STARD13: variants seen among roughly 807,000 people sequenced by gnomAD.
STARD13 encodes the protein StAR related lipid transfer domain containing 13.
STARD13 carries 62 observed loss-of-function variants against 106.4 expected under a neutral mutation model. The ratio of observed to expected loss-of-function variants is 0.58; its 90% CI spans 0.48 to 0.72. The LOEUF is 0.72. Ranked by LOEUF, STARD13 falls within the 30% of genes least tolerant of loss-of-function variation. STARD13 has a pLI of 0.00. For synonymous variants in STARD13, 565 were observed against 553.0 expected, an observed-to-expected ratio of 1.02 and a Z score of -0.31; for missense variants, 1,387 against 1,424.0, an observed-to-expected ratio of 0.97 and a Z score of 0.42.
At chr13:33,393,697 A>G in the STARD13 span, among the ~76,000 whole-genome samples, 1 of 152,220 alleles carries the variant, frequency 6.6e-6, no homozygotes, top group Non-Finnish European at 1.5e-5. Context: ...TCGGTGCCAG[A>G]CACTAAGCTA....
In STARD13 at chr13:33,130,668, C is replaced by G. The variant is rs1272860404; in HGVS notation, c.388-379G>C. 6.6e-6 allele frequency among the ~76,000 whole-genome samples: 1 copy of G among 152,174 alleles called. No homozygotes were observed. The highest frequency in any genetic ancestry group is 1.5e-5 in the Non-Finnish European group (1 of 68,028). ...CAGTCTTCTTTTTCACAAAGGAACT[C>G]AACTCTGCCATAAAAGGCACTTACT... is the stretch of plus-strand genomic sequence containing the variant. On this transcript the variant is annotated intron_variant, in intron 4 of 13. Transcript: ENST00000336934. The surrounding 1 kb of genome is among the most constrained non-coding windows in gnomAD (Gnocchi z 4.1).
At chr13:33,495,250 A>G in the STARD13 span, among the ~76,000 whole-genome samples, 16 of 152,332 alleles carry the variant, frequency 1.1e-4, no homozygotes, top group African/African-American at 3.1e-4. Context: ...TCAGAACTCT[A>G]TCACATTAGG....
the STARD13 span, among the ~76,000 whole-genome samples, chr13:33,430,260 C>T: frequency 6.6e-6 from 1 of 152,138 alleles, no homozygotes; most frequent in East Asian, 1.9e-4. Flanking sequence ...GTTTGTAACT[C>T]AAAGGATAAA....
the STARD13 span, among the ~76,000 whole-genome samples, chr13:33,471,066 T>G: frequency 6.6e-6 from 1 of 152,340 alleles, no homozygotes; most frequent in South Asian, 2.1e-4. Context: ...GGTCTTACAT[T>G]TAAGTCTTTA....
At chr13:33,334,728 G>T (rs1406455161) in intron 1 of STARD13, among the ~76,000 whole-genome samples, 3 of 152,192 alleles carry the variant, frequency 2.0e-5, no homozygotes, top group African/African-American at 7.2e-5. Context: ...AACATTCCAT[G>T]GCATAAGCCA....
chr13:33,153,056 GT>G (rs951235329), intron 3 of STARD13, among the ~76,000 whole-genome samples: 1 of 152,162 alleles, frequency 6.6e-6, no homozygotes, highest in African/African-American at 2.4e-5. Flanking sequence ...GGTGATTTAG[GT>G]TATTTTGAGG....
At chr13:33,108,864 T>C (rs1028278174) in intron 12 of STARD13, among the ~76,000 whole-genome samples, 1 of 152,232 alleles carries the variant, frequency 6.6e-6, no homozygotes, top group Non-Finnish European at 1.5e-5. Flanking sequence ...AGATGACTAA[T>C]GTCCTAATAA....
intron 4 of STARD13, among the ~76,000 whole-genome samples, chr13:33,132,756 G>GT (rs1379485203): frequency 6.6e-6 from 1 of 152,170 alleles, no homozygotes; most frequent in Non-Finnish European, 1.5e-5. Context: ...ATGAGTCTGA[G>GT]TTTTAAAAAA....
chr13:33,645,201 T>C, the STARD13 span, among the ~76,000 whole-genome samples: 1 of 152,152 alleles, frequency 6.6e-6, no homozygotes, highest in South Asian at 2.1e-4. Context: ...CGTTACAAGA[T>C]GTCTTGCAGT....
the STARD13 span, among the ~76,000 whole-genome samples, chr13:33,415,538 A>G: frequency 3.9e-5 from 6 of 152,130 alleles, no homozygotes; most frequent in African/African-American, 1.4e-4. Flanking sequence ...TTAAAGAAAA[A>G]TTTTACTAGG....
intron 1 of STARD13, among the ~76,000 whole-genome samples, chr13:33,282,248 C>G (rs1279840309): frequency 6.6e-6 from 1 of 152,122 alleles, no homozygotes; most frequent in Non-Finnish European, 1.5e-5. Flanking sequence ...AAACAACACC[C>G]TCTTTTAAAC....
At chr13:33,542,930 T>G in the STARD13 span, among the ~76,000 whole-genome samples, 2 of 152,158 alleles carry the variant, frequency 1.3e-5, no homozygotes, top group African/African-American at 4.8e-5. Context: ...TCTCCCGCCC[T>G]GGACGGGGAG....
At chr13:33,249,098 A>T (rs1290348449) in intron 1 of STARD13, among the ~76,000 whole-genome samples, 2 of 152,222 alleles carry the variant, frequency 1.3e-5, no homozygotes, top group Non-Finnish European at 2.9e-5. Flanking sequence ...ATGCTACATG[A>T]CATTGAAATG....
the STARD13 span, among the ~76,000 whole-genome samples, chr13:33,375,650 T>C: frequency 6.6e-6 from 1 of 152,086 alleles, no homozygotes; most frequent in African/African-American, 2.4e-5. Flanking sequence ...AAGCCCCTTA[T>C]AAAACCATCA....
chr13:33,380,694 A>C, the STARD13 span, among the ~76,000 whole-genome samples: 3 of 152,128 alleles, frequency 2.0e-5, no homozygotes, highest in African/African-American at 7.2e-5. Flanking sequence ...CAAAGTTCCC[A>C]GAGAAGCTAT....
chr13:33,632,738 G>T, the STARD13 span, among the ~76,000 whole-genome samples: 3 of 151,736 alleles, frequency 2.0e-5, no homozygotes, highest in Admixed American at 1.3e-4. Context: ...AAATCAATTG[G>T]CTACCTACTT....
At chr13:33,417,785 C>G in the STARD13 span, among the ~76,000 whole-genome samples, 23,617 of 151,786 alleles carry the variant, frequency 0.16, 4,372 homozygotes, top group African/African-American at 0.44. Context: ...GGGGAAATGG[C>G]GATTGATTGC....
At chr13:33,423,313 C>A in the STARD13 span, among the ~76,000 whole-genome samples, 1 of 152,182 alleles carries the variant, frequency 6.6e-6, no homozygotes, top group Non-Finnish European at 1.5e-5. Flanking sequence ...CAAAAGAAGA[C>A]ATTTATGCAG....
At chr13:33,207,815 A>G (rs7139926) in intron 1 of STARD13, among the ~76,000 whole-genome samples, 232 of 152,204 alleles carry the variant, frequency 1.5e-3, no homozygotes, top group African/African-American at 5.2e-3. Context: ...CAGCTTTTTA[A>G]TCCAGCAGGC....
Sources: gnomAD v4.1 joint callset for allele counts (sites outside exome capture counted in the v4.1 genomes callset) on GRCh38, gnomAD v4.1.1 for gene constraint, Gnocchi (gnomAD v3.1) non-coding constraint, MANE v1.5 for transcripts, NCBI Gene and HGNC (gene_info 2026-07-23, HGNC 2026-07-21) for gene names.